Variants in ERBIN observed in about 807,000 individuals in gnomAD.
ERBIN encodes the protein densin-180-like protein.
ERBIN carries 60 observed loss-of-function variants against 158.4 expected under a neutral mutation model. The observed-to-expected ratio is 0.38, with a 90% CI of 0.31 to 0.47. The LOEUF is 0.47. ERBIN is among the 20% of genes least tolerant of loss of function. ERBIN has a pLI of 0.99. For missense variants in ERBIN, 1,610 were observed against 1,648.0 expected, an observed-to-expected ratio of 0.98 and a Z score of 0.40; for synonymous variants, 594 against 557.2, an observed-to-expected ratio of 1.07 and a Z score of -0.93.
intron 2 of ERBIN, among the ~76,000 whole-genome samples, chr5:65,989,688 G>A (rs1419407491): frequency 6.6e-6 from 1 of 152,110 alleles, no homozygotes; most frequent in Non-Finnish European, 1.5e-5. Flanking sequence ...ATCTTTATAT[G>A]TTTGGACCCA....
At chr5:66,068,775 C>T in intron 21 of ERBIN, 2 of 1,024,756 alleles carry the variant, frequency 2.0e-6, no homozygotes, top group Non-Finnish European at 2.6e-6. Flanking sequence ...TGATACTTCT[C>T]TGGTTTTGGG....
chr5:66,040,856 G>A (rs1038531429), intron 15 of ERBIN, among the ~76,000 whole-genome samples: 1 of 109,028 alleles, frequency 9.2e-6, no homozygotes, highest in Non-Finnish European at 2.4e-5. Context: ...AAAAAAAAAA[G>A]AGGAAAAAAA....
intron 21 of ERBIN, among the ~76,000 whole-genome samples, chr5:66,064,712 G>A (rs1275217267): frequency 6.6e-6 from 1 of 152,162 alleles, no homozygotes; most frequent in Non-Finnish European, 1.5e-5. Context: ...AGCCAAATGA[G>A]AGATACTTGA....
chr5:65,948,881 G>A (rs574920819), intron 1 of ERBIN, among the ~76,000 whole-genome samples: 1 of 146,374 alleles, frequency 6.8e-6, no homozygotes, highest in East Asian at 2.1e-4. Context: ...CTCTTGCCTC[G>A]GCCTCTCAGG....
intron 1 of ERBIN, among the ~76,000 whole-genome samples, chr5:65,965,382 G>GTTTTTTTTTTTTTTTTTTT (rs200847060): frequency 1.5e-4 from 14 of 96,060 alleles, no homozygotes; most frequent in East Asian, 3.6e-4. Flanking sequence ...GTTTTTTGTT[G>GTTTTTTTTTTTTTTTTTTT]TTTTTTTTTT....
chr5:65,971,587 C>T (rs1282828666), intron 1 of ERBIN, among the ~76,000 whole-genome samples: 1 of 152,144 alleles, frequency 6.6e-6, no homozygotes, highest in African/African-American at 2.4e-5. Context: ...CAGTTAGTCT[C>T]AGAAAAGAAT....
intron 17 of ERBIN, among the ~76,000 whole-genome samples, chr5:66,045,383 C>G (rs1006618204): frequency 6.7e-6 from 1 of 150,166 alleles, no homozygotes; most frequent in African/African-American, 2.5e-5. Flanking sequence ...GGTTTGTAGC[C>G]TTGGGGCCAT....
At chr5:65,954,813 C>T (rs1746903125) in intron 1 of ERBIN, among the ~76,000 whole-genome samples, 1 of 151,322 alleles carries the variant, frequency 6.6e-6, no homozygotes, top group Non-Finnish European at 1.5e-5. Context: ...CACCTGTAAT[C>T]TCAGCACTTT....
In ERBIN at chr5:66,054,922, C is replaced by G. The variant is rs763972439; in HGVS notation, c.3604C>G (p.Arg1202Gly). 2 of 1,586,744 alleles carry G rather than the reference C, an allele frequency of 1.3e-6. No individual in the cohort carries two copies. ...TCGTGACTGGAGAGAACAAGTACTT[C>G]GACATATTGAAGCCAAAAAGTTAGA... ...VPRDWREQVL[R>G]HIEAKKLEKK... The change falls in exon 21 of 26, where the codon CGA (arginine) becomes GGA (glycine). Residue 1202 changes from arginine (R) to glycine (G), a missense_variant. Transcript: ENST00000284037.
At chr5:65,968,824 G>A (rs771457354) in intron 1 of ERBIN, among the ~76,000 whole-genome samples, 4 of 152,196 alleles carry the variant, frequency 2.6e-5, no homozygotes, top group Non-Finnish European at 5.9e-5. Context: ...GCCTCCCAAA[G>A]TGCTGGGATT....
chr5:66,014,439 C>A (rs1439403480), intron 6 of ERBIN, among the ~76,000 whole-genome samples: 1 of 152,112 alleles, frequency 6.6e-6, no homozygotes, highest in African/African-American at 2.4e-5. Context: ...TTCACTTTGT[C>A]GCTTTGAAAA....
At chr5:65,939,737 CG>C (rs1283122248) in intron 1 of ERBIN, among the ~76,000 whole-genome samples, 2 of 152,246 alleles carry the variant, frequency 1.3e-5, no homozygotes, top group Non-Finnish European at 2.9e-5. Context: ...TTGGTGGAGA[CG>C]GGGTTTCGCT....
intron 1 of ERBIN, among the ~76,000 whole-genome samples, chr5:65,987,434 C>T (rs1033691231): frequency 5.4e-5 from 8 of 148,742 alleles, no homozygotes; most frequent in South Asian, 2.1e-4. Context: ...TGGTGGTGCA[C>T]GCTTATAGTC....
intron 1 of ERBIN, among the ~76,000 whole-genome samples, chr5:65,930,398 C>G (rs1438056578): frequency 6.6e-6 from 1 of 152,190 alleles, no homozygotes; most frequent in African/African-American, 2.4e-5. Context: ...CTGCGCCTCC[C>G]CCAGGTTCAC....
intron 4 of ERBIN, among the ~76,000 whole-genome samples, chr5:65,997,260 A>G (rs954511914): frequency 3.9e-5 from 6 of 152,190 alleles, no homozygotes; most frequent in Non-Finnish European, 5.9e-5. Flanking sequence ...TATGGCCTTT[A>G]TTGTGTTGAG....
At chr5:66,076,180 G>T in intron 23 of ERBIN, 136 bp from the exon 24 acceptor site, 1 of 658,132 alleles carries the variant, frequency 1.5e-6, no homozygotes. Context: ...CACTTCATCT[G>T]ACCAAATATT....
intron 21 of ERBIN, chr5:66,068,831 T>C (rs1173153737): frequency 6.8e-7 from 1 of 1,470,066 alleles, no homozygotes; most frequent in East Asian, 2.5e-5. Context: ...TCGTGGATTT[T>C]GCATGCTACA....
rs138565568 is a variant in ERBIN, at chr5:65,969,020, A to G, written c.-57-19615A>G. On this transcript the variant is annotated intron_variant, in intron 1 of 25. Coordinates refer to ENST00000284037, the MANE Select transcript of ERBIN (RefSeq NM_001253697.2). Reference sequence around the variant, plus strand: ...TCCCTTCTTTTAGTAAAAATAATGCAATACCGCGTTTAAGGGCATATAAGT... The same window carrying G: ...TCCCTTCTTTTAGTAAAAATAATGCGATACCGCGTTTAAGGGCATATAAGT... 4.3e-3 allele frequency among the ~76,000 whole-genome samples: 662 copies of G among 152,336 alleles called. 5 individuals carry two copies. The highest frequency in any genetic ancestry group is 0.015 in the African/African-American group (639 of 41,574).
chr5:66,021,444 T>C (rs1171168607), intron 8 of ERBIN, 59 bp downstream of exon 8: 7 of 1,184,226 alleles, frequency 5.9e-6, no homozygotes, highest in East Asian at 2.5e-5. Context: ...GAACAAAATA[T>C]GAAAATTAAT....
Sources: gnomAD v4.1 joint callset for allele counts (sites outside exome capture counted in the v4.1 genomes callset) on GRCh38, gnomAD v4.1.1 for gene constraint, MANE v1.5 for transcripts, NCBI Gene and HGNC (gene_info 2026-07-23, HGNC 2026-07-21) for gene names.